The following SLC36A1 variants were observed in gnomAD, a reference collection of about 807,000 sequenced individuals.
The protein encoded by SLC36A1 is solute carrier family 36 member 1.
SLC36A1 carries 30 observed loss-of-function variants against 47.5 expected under a neutral mutation model. The ratio of observed to expected loss-of-function variants is 0.63; its 90% CI spans 0.47 to 0.86. The LOEUF is 0.86. SLC36A1 is among the 40% of genes least tolerant of loss of function. The probability of loss-of-function intolerance (pLI) is 0.00; values close to 1 mark genes in which losing one functional copy is unlikely to be tolerated. For missense variants in SLC36A1, 517 were observed against 606.0 expected (o/e 0.85, Z 1.54); for synonymous variants, 255 against 249.7 (o/e 1.02, Z -0.20).
At chr5:151,385,007 A>AGTGTGTGTGTGT in the SLC36A1 span, among the ~76,000 whole-genome samples, 2 of 102,020 alleles carry the variant, frequency 2.0e-5, no homozygotes, top group African/African-American at 1.1e-4. Flanking sequence ...AGAGAGAGAG[A>AGTGTGTGTGTGT]GAGTGTGTGT....
chr5:151,463,498 C>A, intron 2 of SLC36A1, 55 bp from the exon 3 acceptor site: 1 of 1,258,028 alleles, frequency 7.9e-7, no homozygotes, highest in Non-Finnish European at 1.2e-6. Flanking sequence ...GCACTGAGAT[C>A]CTAATAAAAG....
chr5:151,348,246 A>T, the SLC36A1 span, among the ~76,000 whole-genome samples: 43 of 152,314 alleles, frequency 2.8e-4, no homozygotes, highest in African/African-American at 1.0e-3. Context: ...TGGGCAAGAT[A>T]CTGGCGCCAG....
chr5:151,528,876 A>G, the SLC36A1 span, among the ~76,000 whole-genome samples: 6 of 152,294 alleles, frequency 3.9e-5, no homozygotes, highest in South Asian at 1.2e-3. Context: ...AGCCTCTGGC[A>G]GTCCTCTGGG....
chr5:151,407,718 A>C, the SLC36A1 span, among the ~76,000 whole-genome samples: 1 of 152,166 alleles, frequency 6.6e-6, no homozygotes, highest in South Asian at 2.1e-4. Flanking sequence ...CTGGGGATGG[A>C]AGTTGGCCTT....
the SLC36A1 span, chr5:151,512,116 G>A: frequency 6.4e-7 from 1 of 1,555,650 alleles, no homozygotes; most frequent in East Asian, 2.3e-5. This position sits in a 1 kb window ranked among gnomAD's most constrained non-coding sequence, Gnocchi z 4.1. Flanking sequence ...CCCACCTGAA[G>A]AGCCTTCTGG....
chr5:151,458,356 T>TACAC (rs1554110054), intron 1 of SLC36A1, among the ~76,000 whole-genome samples: 4 of 129,742 alleles, frequency 3.1e-5, no homozygotes, highest in African/African-American at 7.1e-5. Context: ...TATATATATA[T>TACAC]ACACACACGA....
At chr5:151,472,050 T>TATACCTC (rs1343420835) in intron 7 of SLC36A1, among the ~76,000 whole-genome samples, 1 of 152,224 alleles carries the variant, frequency 6.6e-6, no homozygotes, top group African/African-American at 2.4e-5. Context: ...ATTTTGTGAC[T>TATACCTC]ATACCTCTGT....
At chr5:151,538,597 G>C in the SLC36A1 span, among the ~76,000 whole-genome samples, 21,267 of 152,210 alleles carry the variant, frequency 0.14, 2,038 homozygotes, top group East Asian at 0.33. Flanking sequence ...GAGCCAGCCT[G>C]CAAGCATCAT....
downstream of SLC36A1, among the ~76,000 whole-genome samples, chr5:151,495,331 A>G (rs191452715): frequency 5.3e-5 from 8 of 152,296 alleles, no homozygotes; most frequent in Non-Finnish European, 1.0e-4. Context: ...CTTTTGATAT[A>G]GGTTTTTTAT....
At chr5:151,421,212 CCTT>C in the SLC36A1 span, among the ~76,000 whole-genome samples, 791 of 146,526 alleles carry the variant, frequency 5.4e-3, 13 homozygotes, top group East Asian at 0.025. Context: ...TTCCTTCCTT[CCTT>C]CCTCCCTTTC....
the SLC36A1 span, chr5:151,507,049 G>A: frequency 1.0e-6 from 1 of 965,428 alleles, no homozygotes; most frequent in Non-Finnish European, 1.6e-6. Flanking sequence ...CCAAAGGGTT[G>A]GATGCGTGGT....
the SLC36A1 span, among the ~76,000 whole-genome samples, chr5:151,348,386 C>T: frequency 6.6e-6 from 1 of 152,160 alleles, no homozygotes; most frequent in Non-Finnish European, 1.5e-5. Context: ...GATGAACAGG[C>T]CAAAATTTCC....
chr5:151,429,204 T>TAAAA, the SLC36A1 span, among the ~76,000 whole-genome samples: 7 of 151,724 alleles, frequency 4.6e-5, no homozygotes, highest in Admixed American at 1.3e-4. Flanking sequence ...TTTTATTTTT[T>TAAAA]AAAATTTTTT....
At chr5:151,395,986 T>C in the SLC36A1 span, among the ~76,000 whole-genome samples, 5 of 151,614 alleles carry the variant, frequency 3.3e-5, no homozygotes, top group African/African-American at 1.2e-4. Context: ...ATTTTTGTAT[T>C]TTTACTAGAG....
chr5:151,515,146 G>A, the SLC36A1 span, among the ~76,000 whole-genome samples: 5 of 151,964 alleles, frequency 3.3e-5, no homozygotes, highest in Non-Finnish European at 5.9e-5. Context: ...CATCTTACTG[G>A]CCTCTCAGCA....
chr5:151,407,009 T>TA, the SLC36A1 span, among the ~76,000 whole-genome samples: 1 of 152,334 alleles, frequency 6.6e-6, no homozygotes, highest in East Asian at 1.9e-4. Flanking sequence ...CAGTGAGTGT[T>TA]ACAGCTCTTA....
At chr5:151,506,043 C>CA in the SLC36A1 span, 1 of 1,562,600 alleles carries the variant, frequency 6.4e-7, no homozygotes, top group Non-Finnish European at 8.6e-7. Flanking sequence ...GGGGTATTCC[C>CA]AGCGTTCGTT....
At chr5:151,433,241 TATATATATATATATATATATATATA>T (rs1393624367), upstream of SLC36A1, among the ~76,000 whole-genome samples, 40 of 11,158 alleles carry the variant, frequency 3.6e-3, 1 homozygote, top group African/African-American at 1.0e-2. Flanking sequence ...TATATATATA[TATATATATATATATATATATATATA>T]TTTTTTTTTT....
chr5:151,382,077 C>G, the SLC36A1 span: 2 of 765,990 alleles, frequency 2.6e-6, no homozygotes, highest in Non-Finnish European at 4.6e-6. Flanking sequence ...TGATGTAACC[C>G]CCAAAGAGAG....
Sources: gnomAD v4.1 joint callset for allele counts (sites outside exome capture counted in the v4.1 genomes callset) on GRCh38, gnomAD v4.1.1 for gene constraint, Gnocchi (gnomAD v3.1) non-coding constraint, MANE v1.5 for transcripts, NCBI Gene and HGNC (gene_info 2026-07-23, HGNC 2026-07-21) for gene names.